The following ADAM2 variants were observed in gnomAD, a reference collection of about 807,000 sequenced individuals.
The protein encoded by ADAM2 is disintegrin and metalloproteinase domain-containing protein 2.
Under a neutral mutation model 99.3 loss-of-function variants are expected in ADAM2, and 101 were observed. The ratio of observed to expected loss-of-function variants is 1.02; its 90% CI spans 0.87 to 1.20. The LOEUF (loss-of-function observed/expected upper bound fraction) is 1.20. Among genes scored for constraint, ADAM2 ranks in the 50% most tolerant of loss-of-function variants. ADAM2 has a pLI of 0.00. For synonymous variants in ADAM2, 323 were observed against 287.6 expected (o/e 1.12, Z -1.25); for missense variants, 948 against 878.7 (o/e 1.08, Z -1.00).
chr8:39,817,727 C>T (rs1805011766), intron 6 of ADAM2, among the ~76,000 whole-genome samples: 1 of 151,484 alleles, frequency 6.6e-6, no homozygotes, highest in South Asian at 2.1e-4. Flanking sequence ...GCTACTCTGA[C>T]CACACAAAAA....
At chr8:39,817,936 G>A (rs1336793240) in intron 6 of ADAM2, 1 of 151,748 alleles carries the variant, frequency 6.6e-6, no homozygotes. Context: ...TAGACTTAAT[G>A]AGAAAAAATT....
At chr8:39,758,337 T>C (rs1326544776) in intron 15 of ADAM2, among the ~76,000 whole-genome samples, 4 of 152,086 alleles carry the variant, frequency 2.6e-5, no homozygotes, top group Non-Finnish European at 1.5e-5. Context: ...AAACTGTATG[T>C]GTTTATAATG....
chr8:39,760,479 T>G (rs1802307534), intron 15 of ADAM2, among the ~76,000 whole-genome samples: 1 of 152,148 alleles, frequency 6.6e-6, no homozygotes, highest in Non-Finnish European at 1.5e-5. Flanking sequence ...CCCAGCATTT[T>G]GGGAGGCCGA....
chr8:39,765,026 A>AAAAT (rs61653294), intron 14 of ADAM2, among the ~76,000 whole-genome samples: 5,100 of 145,270 alleles, frequency 0.035, 116 homozygotes, highest in Admixed American at 0.072. Context: ...CCGGCTCCAA[A>AAAAT]AAATAAATAA....
At chr8:39,772,721 A>G (rs1802832044) in intron 11 of ADAM2, among the ~76,000 whole-genome samples, 1 of 152,074 alleles carries the variant, frequency 6.6e-6, no homozygotes, top group Non-Finnish European at 1.5e-5. Flanking sequence ...CCACAAAATT[A>G]CAAAGTATTT....
chr8:39,833,657 A>T (rs553682767), intron 3 of ADAM2, among the ~76,000 whole-genome samples: 176 of 152,264 alleles, frequency 1.2e-3, no homozygotes, highest in African/African-American at 3.9e-3. Flanking sequence ...TAAGCCATAT[A>T]TATTTTTATG....
chr8:39,745,364 AT>A (rs1450052029), intron 19 of ADAM2, among the ~76,000 whole-genome samples: 2 of 152,174 alleles, frequency 1.3e-5, no homozygotes, highest in Admixed American at 1.3e-4. Flanking sequence ...TATTTCAGCA[AT>A]TTCAAATCAA....
rs781402575 is a variant in ADAM2, at chr8:39,777,093, C to A, written c.960G>T (p.Gly320=). The change falls in exon 11 of 21, where the codon GGG becomes GGT. Residue 320 remains glycine (G), a synonymous_variant. Transcript: ENST00000265708. ...ILAQLLSLSM[G]ITYDDINKCQ... ...ATTTGTTAATGTCATCATAAGTGAT[C>A]CCCATACTAAGGCTCAATAATTGAG... is the stretch of plus-strand genomic sequence containing the variant. The A allele has an allele frequency of 1.0e-5, 16 of 1,603,190 alleles. No individual in the cohort carries two copies. The highest frequency in any genetic ancestry group is 1.3e-5 in the Non-Finnish European group (15 of 1,170,648).
At chr8:39,745,476 C>T (rs1195906391) in intron 19 of ADAM2, among the ~76,000 whole-genome samples, 5 of 151,658 alleles carry the variant, frequency 3.3e-5, no homozygotes, top group African/African-American at 1.2e-4. Context: ...TATATAACTC[C>T]CAGGGAGAAA....
chr8:39,821,727 T>C, intron 4 of ADAM2, 65 bp from the exon 5 acceptor site: 1 of 1,134,724 alleles, frequency 8.8e-7, no homozygotes, highest in South Asian at 1.3e-5. Flanking sequence ...TTTTCAAATA[T>C]GTAAAACATA....
At chr8:39,764,115 G>A (rs1802472494) in intron 14 of ADAM2, among the ~76,000 whole-genome samples, 1 of 152,186 alleles carries the variant, frequency 6.6e-6, no homozygotes, top group African/African-American at 2.4e-5. Flanking sequence ...AACAAATTAA[G>A]AAGCAAAGGG....
chr8:39,829,910 A>G (rs1805550367), intron 3 of ADAM2, among the ~76,000 whole-genome samples: 1 of 152,116 alleles, frequency 6.6e-6, no homozygotes, highest in African/African-American at 2.4e-5. Context: ...GTTAGAAAAC[A>G]GACAAAAAGA....
chr8:39,786,234 A>G (rs1803463495), intron 10 of ADAM2, among the ~76,000 whole-genome samples: 1 of 152,124 alleles, frequency 6.6e-6, no homozygotes, highest in South Asian at 2.1e-4. Context: ...CATATCCGAA[A>G]CCTTAGCATC....
At chr8:39,749,037 C>T (rs192761433) in intron 18 of ADAM2, among the ~76,000 whole-genome samples, 72 of 152,132 alleles carry the variant, frequency 4.7e-4, no homozygotes, top group South Asian at 1.0e-3. Flanking sequence ...ATGCAATTAC[C>T]GGATGCCTTA....
At chr8:39,781,518 A>G (rs1363660447) in intron 10 of ADAM2, among the ~76,000 whole-genome samples, 3 of 152,180 alleles carry the variant, frequency 2.0e-5, no homozygotes, top group Non-Finnish European at 2.9e-5. Flanking sequence ...TAGTTTTTCT[A>G]AAAATATAGT....
At chr8:39,796,117 G>A (rs1252063790) in intron 7 of ADAM2, among the ~76,000 whole-genome samples, 1 of 151,504 alleles carries the variant, frequency 6.6e-6, no homozygotes, top group Non-Finnish European at 1.5e-5. Flanking sequence ...GAATGTGCAG[G>A]TTTATTACAT....
intron 3 of ADAM2, among the ~76,000 whole-genome samples, chr8:39,828,814 A>G (rs117115898): frequency 0.036 from 5,411 of 151,970 alleles, 131 homozygotes; most frequent in Non-Finnish European, 0.057. Context: ...TCATTTTTAA[A>G]TTGTGCTGGG....
At chr8:39,796,033 T>G (rs1428193894) in intron 7 of ADAM2, among the ~76,000 whole-genome samples, 2 of 152,066 alleles carry the variant, frequency 1.3e-5, no homozygotes, top group Admixed American at 6.6e-5. Context: ...AAATAGAGTA[T>G]ATACACTCAT....
intron 15 of ADAM2, among the ~76,000 whole-genome samples, chr8:39,759,404 A>C (rs2129583613): frequency 6.6e-6 from 1 of 152,218 alleles, no homozygotes; most frequent in East Asian, 1.9e-4. Context: ...AAATTAAAGA[A>C]CTCTAAAAAT....
Sources: allele counts gnomAD v4.1 joint callset (sites outside exome capture counted in the v4.1 genomes callset), GRCh38; gene constraint gnomAD v4.1.1; transcripts MANE v1.5; gene names NCBI Gene and HGNC (gene_info 2026-07-23, HGNC 2026-07-21).